The following WBP1L variants were observed in gnomAD, a reference collection of about 807,000 sequenced individuals.
WBP1L encodes the protein WW domain binding protein 1-like.
Under a neutral mutation model 33.7 loss-of-function variants are expected in WBP1L, and 17 were observed. That is an observed-to-expected ratio of 0.50 (90% CI 0.34 to 0.76). WBP1L has a LOEUF of 0.76. Among genes scored for constraint, WBP1L ranks in the 30% least tolerant of loss-of-function variants. The probability of loss-of-function intolerance (pLI) is 0.01; values close to 1 mark genes in which losing one functional copy is unlikely to be tolerated. For synonymous variants in WBP1L, 173 were observed against 190.8 expected (o/e 0.91, Z 0.77); for missense variants, 389 against 469.4 (o/e 0.83, Z 1.58).
chr10:102,791,438 C>A (rs373011250), intron 1 of WBP1L, among the ~76,000 whole-genome samples: 2 of 152,232 alleles, frequency 1.3e-5, no homozygotes, highest in East Asian at 3.9e-4. Flanking sequence ...GTGCCTGGCA[C>A]ATGGTTGGGG....
At chr10:102,774,470 A>G (rs1393009286) in intron 1 of WBP1L, among the ~76,000 whole-genome samples, 1 of 152,164 alleles carries the variant, frequency 6.6e-6, no homozygotes, top group Non-Finnish European at 1.5e-5. Flanking sequence ...TCTCAAGGAA[A>G]TGGTTCAGCC....
At chr10:102,768,043 A>G (rs1174246602) in intron 1 of WBP1L, among the ~76,000 whole-genome samples, 1 of 151,976 alleles carries the variant, frequency 6.6e-6, no homozygotes, top group Non-Finnish European at 1.5e-5. Context: ...CCTACGTATT[A>G]TTTCAGTATC....
intron 1 of WBP1L, among the ~76,000 whole-genome samples, chr10:102,787,981 A>G (rs897858377): frequency 6.7e-6 from 1 of 150,106 alleles, no homozygotes; most frequent in Non-Finnish European, 1.5e-5. Context: ...CGGGAGGCTG[A>G]GGCAGGAGAA....
At chr10:102,791,243 C>T (rs1202874927) in intron 1 of WBP1L, among the ~76,000 whole-genome samples, 1 of 151,774 alleles carries the variant, frequency 6.6e-6, no homozygotes, top group East Asian at 1.9e-4. Flanking sequence ...CGTTTTTGGT[C>T]CCAGGTGATC....
intron 3 of WBP1L, among the ~76,000 whole-genome samples, chr10:102,810,713 T>C (rs974100903): frequency 4.6e-5 from 7 of 151,612 alleles, no homozygotes; most frequent in Non-Finnish European, 1.0e-4. Flanking sequence ...ATTACAGGCA[T>C]GCACCACCAC....
intron 1 of WBP1L, chr10:102,744,414 C>G: frequency 1.0e-6 from 1 of 985,340 alleles, no homozygotes; most frequent in African/African-American, 1.7e-5. Context: ...GTGACTGTGG[C>G]TGGATAGCGG....
chr10:102,759,695 G>A (rs531313073), intron 1 of WBP1L, among the ~76,000 whole-genome samples: 1 of 152,180 alleles, frequency 6.6e-6, no homozygotes, highest in East Asian at 1.9e-4. Flanking sequence ...TTACTATATT[G>A]CCCAGGCTGG....
At chr10:102,748,247 G>T (rs1842888023) in intron 1 of WBP1L, among the ~76,000 whole-genome samples, 2 of 151,026 alleles carry the variant, frequency 1.3e-5, no homozygotes, top group South Asian at 2.1e-4. Flanking sequence ...AACAGAGCGA[G>T]ACTCCGTCTC....
chr10:102,792,036 C>T (rs1843506446), intron 1 of WBP1L, among the ~76,000 whole-genome samples: 1 of 152,234 alleles, frequency 6.6e-6, no homozygotes, highest in African/African-American at 2.4e-5. Flanking sequence ...GTTTATACTG[C>T]CACCAAAGAG....
intron 3 of WBP1L, 46 bp from the exon 4 acceptor site, chr10:102,812,549 A>T (rs908263526): frequency 2.6e-6 from 4 of 1,532,150 alleles, no homozygotes; most frequent in Non-Finnish European, 3.5e-6. Flanking sequence ...TCTGCCTAGA[A>T]CAATGACCAG....
chr10:102,760,376 C>CTTTTT (rs71019612), intron 1 of WBP1L, among the ~76,000 whole-genome samples: 22 of 96,200 alleles, frequency 2.3e-4, no homozygotes, highest in Non-Finnish European at 3.7e-4. Context: ...TTCTTTCTTT[C>CTTTTT]TTTTTTTTTT....
intron 1 of WBP1L, among the ~76,000 whole-genome samples, chr10:102,779,548 C>A (rs920242496): frequency 1.3e-5 from 2 of 152,044 alleles, no homozygotes; most frequent in Non-Finnish European, 2.9e-5. Flanking sequence ...GTGGTCCGCT[C>A]GCCTCGGCCT....
In WBP1L at chr10:102,744,112, G is replaced by C. The variant is rs527620033; in HGVS notation, c.59G>C (p.Ser20Thr). 5.2e-6 allele frequency: 8 copies of C among 1,552,942 alleles called. No individual in the cohort carries two copies. The highest frequency in any genetic ancestry group is 1.7e-4 in the Middle Eastern group (1 of 5,866). ...MALLLLQALPSPLSARAEPPQ... is the reference protein window; with the variant it reads ...MALLLLQALPTPLSARAEPPQ... ...CTCCTGCTCCTCCAGGCGCTGCCCA[G>C]CCCCTTGTCAGCCAGGGCTGAACCC... is the stretch of plus-strand genomic sequence containing the variant. Residue 20 changes from serine (S) to threonine (T), a missense_variant, in exon 1 of 4, where the codon AGC (serine) becomes ACC (threonine). Physicochemically the swap from Ser to Thr is moderately conservative, Grantham distance 58 (BLOSUM62 1). Transcript: ENST00000448841.
At chr10:102,771,730 C>A (rs1211952986) in intron 1 of WBP1L, among the ~76,000 whole-genome samples, 1 of 151,062 alleles carries the variant, frequency 6.6e-6, no homozygotes, top group Non-Finnish European at 1.5e-5. Flanking sequence ...ATCGCTTGAA[C>A]CTGGGAGGCA....
At chr10:102,791,101 G>A (rs569121085) in intron 1 of WBP1L, among the ~76,000 whole-genome samples, 56 of 152,224 alleles carry the variant, frequency 3.7e-4, no homozygotes, top group African/African-American at 1.1e-3. Context: ...CTCTGAGGGC[G>A]CCAGCTTTGT....
chr10:102,800,691 T>C (rs1843644444), intron 2 of WBP1L, among the ~76,000 whole-genome samples: 1 of 152,190 alleles, frequency 6.6e-6, no homozygotes, highest in Non-Finnish European at 1.5e-5. Flanking sequence ...CCCTCTTTAT[T>C]GAGGTCATGG....
chr10:102,794,908 C>T (rs1421182711), intron 1 of WBP1L, among the ~76,000 whole-genome samples: 3 of 152,140 alleles, frequency 2.0e-5, no homozygotes, highest in African/African-American at 7.2e-5. Context: ...CTCTTCCTTG[C>T]TAGAGGTACA....
chr10:102,766,953 T>C (rs180757762), intron 1 of WBP1L, among the ~76,000 whole-genome samples: 2 of 152,342 alleles, frequency 1.3e-5, no homozygotes, highest in Admixed American at 6.5e-5. Flanking sequence ...TGAGGAGGCA[T>C]GAAATGTATC....
intron 1 of WBP1L, among the ~76,000 whole-genome samples, chr10:102,748,062 C>T (rs1202794379): frequency 6.6e-6 from 1 of 151,978 alleles, no homozygotes; most frequent in Non-Finnish European, 1.5e-5. Flanking sequence ...TGAGACCATC[C>T]TGGCTAACAC....
Sources: allele counts gnomAD v4.1 joint callset (sites outside exome capture counted in the v4.1 genomes callset), GRCh38; gene constraint gnomAD v4.1.1; transcripts MANE v1.5; gene names NCBI Gene and HGNC (gene_info 2026-07-23, HGNC 2026-07-21).